ORC4: variants seen among roughly 807,000 people sequenced by gnomAD.
ORC4 encodes origin recognition complex subunit 4.
Under a neutral mutation model 63.9 loss-of-function variants are expected in ORC4, and 55 were observed. The observed-to-expected ratio is 0.86, with a 90% CI of 0.69 to 1.08. The LOEUF (loss-of-function observed/expected upper bound fraction) is 1.08, where lower values mean the gene tolerates loss of function less well. Ranked by LOEUF, ORC4 falls within the 50% of genes least tolerant of loss-of-function variation. The pLI is 0.00. For synonymous variants in ORC4, 150 were observed against 168.5 expected, an observed-to-expected ratio of 0.89 and a Z score of 0.85; for missense variants, 511 against 504.4, an observed-to-expected ratio of 1.01 and a Z score of -0.13.
intron 4 of ORC4, among the ~76,000 whole-genome samples, chr2:147,962,501 A>G (rs967015622): frequency 1.3e-5 from 2 of 152,068 alleles, no homozygotes; most frequent in African/African-American, 4.8e-5. Flanking sequence ...CACCAAGCCC[A>G]CATAGGTGGC....
chr2:147,956,529 G>T (rs755480275), intron 6 of ORC4, among the ~76,000 whole-genome samples: 10 of 152,022 alleles, frequency 6.6e-5, no homozygotes, highest in Non-Finnish European at 1.2e-4. Context: ...AAGTGACTTA[G>T]GTTCTTATAA....
chr2:147,953,045 C>T (rs1342271351), intron 7 of ORC4, among the ~76,000 whole-genome samples: 1 of 148,734 alleles, frequency 6.7e-6, no homozygotes, highest in East Asian at 2.0e-4. Context: ...AAAGTTCAGT[C>T]TAGGCCGGGC....
intron 6 of ORC4, among the ~76,000 whole-genome samples, chr2:147,957,380 T>C (rs1375898644): frequency 6.6e-6 from 1 of 151,718 alleles, no homozygotes; most frequent in Non-Finnish European, 1.5e-5. Flanking sequence ...GTTCAGAAAT[T>C]AGAGCGATGC....
chr2:148,000,070 A>C (rs1055888443), intron 1 of ORC4, among the ~76,000 whole-genome samples: 2 of 151,540 alleles, frequency 1.3e-5, no homozygotes, highest in South Asian at 2.1e-4. Context: ...GAAAAAAAAA[A>C]CATAAAAAAT....
Position 147,947,426 on chromosome 2 carries a change from T to C in ORC4, c.762+625A>G, listed in dbSNP as rs866357044. Among the ~76,000 whole-genome samples, 11 of 152,198 alleles carry C rather than the reference T, an allele frequency of 7.2e-5. 1 individual carries two copies. In the South Asian group the frequency reaches 2.1e-3, roughly 29 times the overall value. On this transcript the variant is annotated intron_variant, in intron 9 of 13. Transcript: ENST00000392857. Reference sequence around the variant, plus strand: ...TTTTGACAGCGTAAGATTAAAATGCTAGTGTGTTGAGAATATTTTAAGCAC... The same window carrying C: ...TTTTGACAGCGTAAGATTAAAATGCCAGTGTGTTGAGAATATTTTAAGCAC...
At chr2:147,962,263 G>T (rs1384868587) in intron 4 of ORC4, among the ~76,000 whole-genome samples, 1 of 152,156 alleles carries the variant, frequency 6.6e-6, no homozygotes, top group Non-Finnish European at 1.5e-5. Context: ...GAATCCCATA[G>T]TCCTAGCAAG....
chr2:147,958,993 A>G (rs569324228), intron 4 of ORC4, 127 bp from the exon 5 acceptor site: 1 of 561,460 alleles, frequency 1.8e-6, no homozygotes, highest in East Asian at 3.0e-5. Flanking sequence ...TAAGTTTTCA[A>G]ATTCTTTACA....
chr2:148,019,593 AC>A (rs1284763287), intron 1 of ORC4, among the ~76,000 whole-genome samples: 2 of 152,250 alleles, frequency 1.3e-5, no homozygotes, highest in Non-Finnish European at 2.9e-5. Flanking sequence ...CCGTCTCAAA[AC>A]AAAAAACAAA....
intron 10 of ORC4, among the ~76,000 whole-genome samples, chr2:147,940,043 G>A (rs567697757): frequency 7.2e-5 from 11 of 152,250 alleles, no homozygotes; most frequent in Admixed American, 5.2e-4. Context: ...TAACAAGGGC[G>A]CAACTGATTA....
chr2:147,959,750 A>G (rs1485398846), intron 4 of ORC4, among the ~76,000 whole-genome samples: 1 of 152,146 alleles, frequency 6.6e-6, no homozygotes, highest in Non-Finnish European at 1.5e-5. Context: ...CATGGTTTTT[A>G]AAGCATAGGG....
At chr2:147,948,533 A>G (rs937217272) in intron 8 of ORC4, among the ~76,000 whole-genome samples, 3 of 152,068 alleles carry the variant, frequency 2.0e-5, no homozygotes, top group Non-Finnish European at 4.4e-5. Context: ...AATAACACCA[A>G]GAGTGTCAAT....
At chr2:147,947,646 G>C (rs1001134231) in intron 9 of ORC4, 17 of 153,214 alleles carry the variant, frequency 1.1e-4, no homozygotes, top group Non-Finnish European at 2.2e-4. Flanking sequence ...ATGAAAACTG[G>C]AAGAAAAAAA....
intron 1 of ORC4, among the ~76,000 whole-genome samples, chr2:147,976,241 C>T (rs1240951563): frequency 6.6e-6 from 1 of 152,030 alleles, no homozygotes; most frequent in African/African-American, 2.4e-5. Context: ...TTTGTAGCAA[C>T]TCTGTGTCCA....
In ORC4 at chr2:147,938,192, C is replaced by T; in HGVS notation, c.1076G>A (p.Arg359Lys). Residue 359 changes from arginine to lysine, a missense_variant, in exon 13 of 14, where the codon AGG becomes AAG. Transcript: ENST00000392857. ...VYNEFQKFVQ[R>K]KAHSVYNFEK... The stretch of plus-strand genomic sequence containing the variant: ...AAAATTATAAACGGAATGTGCTTTC[C>T]TTTGAACAAACTTCTGAAACTCTGA... The T allele has an allele frequency of 6.2e-7, 1 of 1,612,744 alleles. No individual in the cohort carries two copies. The highest frequency in any genetic ancestry group is 8.5e-7 in the Non-Finnish European group (1 of 1,179,108).
Position 147,938,332 on chromosome 2 carries a change from C to G in ORC4, c.1020G>C (p.Glu340Asp). 1 of 1,608,734 alleles carries G rather than the reference C, an allele frequency of 6.2e-7. No homozygotes were observed. ...CCATTTGAAAATTAAATGGCTCTTC[C>G]TCATAGATGTCATTTAAATGTTTCA... ...IAMKHLNDIY[E>D]EEPFNFQMVY... Residue 340 changes from glutamate to aspartate, a missense_variant, in exon 12 of 14, where the codon GAG becomes GAC. Physicochemically the swap from Glu to Asp is conservative, Grantham distance 45. Coordinates refer to ENST00000392857, the MANE Select transcript of ORC4 (RefSeq NM_181741.4).
intron 1 of ORC4, among the ~76,000 whole-genome samples, chr2:148,012,946 C>T (rs575261397): frequency 6.6e-6 from 1 of 152,256 alleles, no homozygotes; most frequent in South Asian, 2.1e-4. Context: ...ATATCAGATG[C>T]TGGTGAGAAT....
Position 147,987,412 on chromosome 2 carries a change from A to AC in ORC4, c.-17-11438_-17-11437insG, listed in dbSNP as rs202073386. Among the ~76,000 whole-genome samples the AC allele has an allele frequency of 2.1e-3, 303 of 146,034 alleles. 1 individual carries two copies. The highest frequency in any genetic ancestry group is 4.6e-3 in the South Asian group (21 of 4,610). On this transcript the variant is annotated intron_variant, in intron 1 of 13. Transcript: ENST00000392857. ...TATATACACACACACACACACACAC[A>AC]AAAAGTAACATATTTTAAATTATTT...
At chr2:147,961,905 A>T (rs966263927) in intron 4 of ORC4, among the ~76,000 whole-genome samples, 5 of 152,216 alleles carry the variant, frequency 3.3e-5, no homozygotes, top group Non-Finnish European at 7.3e-5. Flanking sequence ...CAACAAGCAG[A>T]TTAAAAAGAT....
chr2:147,975,752 C>T (rs1323775031), intron 2 of ORC4, 150 bp downstream of exon 2: 2 of 618,430 alleles, frequency 3.2e-6, no homozygotes, highest in South Asian at 1.9e-5. Context: ...GCTGGCATCT[C>T]GTTAAGGTCT....
Sources: allele counts gnomAD v4.1 joint callset (sites outside exome capture counted in the v4.1 genomes callset), GRCh38; gene constraint gnomAD v4.1.1; transcripts MANE v1.5; gene names NCBI Gene and HGNC (gene_info 2026-07-23, HGNC 2026-07-21).